The following DVL1 variants were observed in gnomAD, a reference collection of about 807,000 sequenced individuals.
The protein encoded by DVL1 is segment polarity protein dishevelled homolog DVL-1.
Under a neutral mutation model 65.0 loss-of-function variants are expected in DVL1, and 49 were observed. That is an observed-to-expected ratio of 0.75 (90% CI 0.60 to 0.96). The LOEUF (loss-of-function observed/expected upper bound fraction) is 0.96, where lower values mean the gene tolerates loss of function less well. Among genes scored for constraint, DVL1 ranks in the 40% least tolerant of loss-of-function variants. The probability of loss-of-function intolerance (pLI) is 0.00; values close to 1 mark genes in which losing one functional copy is unlikely to be tolerated. For synonymous variants in DVL1, 608 were observed against 433.9 expected, an observed-to-expected ratio of 1.40 and a Z score of -4.99; for missense variants, 1,197 against 1,045.4, an observed-to-expected ratio of 1.15 and a Z score of -2.00.
chr1:1,342,679 A>G lies in DVL1; in HGVS notation c.240+10T>C, dbSNP rs1324284960. On this transcript the variant is annotated intron_variant, in intron 2 of 14. Coordinates refer to ENST00000378888, the MANE Select transcript of DVL1 (RefSeq NM_001330311.2). Reference sequence around the variant, plus strand: ...AGGCGAGCCTTCGGGGCCAAGACACAGGGGCTCACCCAGGAGACCACGCGG... The same window carrying G: ...AGGCGAGCCTTCGGGGCCAAGACACGGGGGCTCACCCAGGAGACCACGCGG... 1.2e-6 allele frequency: 2 copies of G among 1,612,612 alleles called. No individual in the cohort carries two copies. Among genetic ancestry groups the G allele is most frequent in the Non-Finnish European group, 1.7e-6 (2 of 1,179,536 alleles).
chr1:1,338,165 A>G lies in DVL1; in HGVS notation c.1526T>C (p.Leu509Pro). ...DLCSNLATLN[L>P]NSGSSGTSDQ... is the part of the protein sequence containing the mutation. Reference sequence around the variant, plus strand: ...CGAAGTCCCACTGGAGCCACTGTTGAGGTTCAGGGTGGCGAGATCTGGCGG... The same window carrying G: ...CGAAGTCCCACTGGAGCCACTGTTGGGGTTCAGGGTGGCGAGATCTGGCGG... Residue 509 changes from leucine (L) to proline (P), a missense_variant, in exon 14 of 15, where the codon CTC becomes CCC. By Grantham distance (98) the Leu-to-Pro change is moderately conservative. Coordinates refer to ENST00000378888, the MANE Select transcript of DVL1 (RefSeq NM_001330311.2). 1 of 1,607,514 alleles carries G rather than the reference A, an allele frequency of 6.2e-7. No homozygotes were observed. Among genetic ancestry groups the G allele is most frequent in the Non-Finnish European group, 8.5e-7 (1 of 1,177,350 alleles).
In DVL1 at chr1:1,342,351, C is replaced by T. The variant is rs759098275; in HGVS notation, c.362+12G>A. The T allele has an allele frequency of 1.3e-5, 21 of 1,565,096 alleles. No homozygotes were observed. The highest frequency in any genetic ancestry group is 2.4e-5 in the East Asian group (1 of 42,384). ...TTGGGGTAGCAGGGCCCAGCGCCCA[C>T]GGTGTCCTTACTGGAAGGAGGGGGG... On this transcript the variant is annotated intron_variant, in intron 3 of 14. Transcript: ENST00000378888.
rs747825850 is a variant in DVL1, at chr1:1,337,973, T to C, written c.1714+4A>G. 2 of 1,610,462 alleles carry C rather than the reference T, an allele frequency of 1.2e-6. No homozygotes were observed. Among genetic ancestry groups the C allele is most frequent in the Admixed American group, 3.3e-5 (2 of 59,902 alleles). ...GGAAGGGCAGGTAGGGGCGGCGTTC[T>C]CACCTTCACTCTGCTGACTCCCGGT... is the stretch of plus-strand genomic sequence containing the variant. On this transcript the variant is annotated splice_donor_region_variant and intron_variant, in intron 14 of 14. Coordinates refer to ENST00000378888, the MANE Select transcript of DVL1 (RefSeq NM_001330311.2).
rs1476629174 is a variant in DVL1, at chr1:1,337,640, G to C, written c.1714+337C>G. On this transcript the variant is annotated intron_variant, in intron 14 of 14. Transcript: ENST00000378888. ...CCTACCAGGCACAGCCGCCCAGGCCGCCAGGCTCCTGGAGGCCCCTCATCC... is the reference window on the plus strand; with the variant it reads ...CCTACCAGGCACAGCCGCCCAGGCCCCCAGGCTCCTGGAGGCCCCTCATCC... 8.4e-6 allele frequency: 4 copies of C among 474,632 alleles called. No individual in the cohort carries two copies. The Admixed American group carries it at 9.5e-5, about 11-fold the overall frequency. The allele number at this position is 474,632 out of a possible 1,614,324, so 29.4% of individuals were successfully genotyped here.
In DVL1 at chr1:1,348,973, G is replaced by C. The variant is rs758016833; in HGVS notation, c.93C>G (p.Ala31=). ...LPVAPERVTL[A]DFKNVLSNRP... ...GGTTGCTGAGCACGTTCTTGAAGTCGGCCAGCGTGACGCGCTCGGGGGCCA... is the reference window on the plus strand; with the variant it reads ...GGTTGCTGAGCACGTTCTTGAAGTCCGCCAGCGTGACGCGCTCGGGGGCCA... The change falls in exon 1 of 15, where the codon GCC becomes GCG. Residue 31 remains alanine (A), a synonymous_variant. Coordinates refer to ENST00000378888, the MANE Select transcript of DVL1 (RefSeq NM_001330311.2). The C allele has an allele frequency of 2.1e-5, 33 of 1,576,236 alleles. No individual in the cohort carries two copies. Among genetic ancestry groups the C allele is most frequent in the Non-Finnish European group, 2.6e-5 (30 of 1,158,556 alleles).
At chr1:1,345,077 G>A (rs1253680257) in intron 1 of DVL1, among the ~76,000 whole-genome samples, 2 of 151,976 alleles carry the variant, frequency 1.3e-5, no homozygotes, top group South Asian at 2.1e-4. Flanking sequence ...TACAGCACCC[G>A]CCTGGCTCCA....
intron 1 of DVL1, 93 bp downstream of exon 1, chr1:1,348,803 G>A (rs1643965998): frequency 3.6e-6 from 4 of 1,109,474 alleles, no homozygotes; most frequent in Non-Finnish European, 4.5e-6. Context: ...CCCCGGGGGC[G>A]CGAACGGCTC....
At chr1:1,339,985 C>A in intron 8 of DVL1, 53 bp downstream of exon 8, 1 of 1,581,572 alleles carries the variant, frequency 6.3e-7, no homozygotes, top group South Asian at 1.1e-5. Context: ...ACCCCAAAGT[C>A]CCCACGGACC....
In DVL1 at chr1:1,338,599, A is replaced by T. The variant is rs759220527; in HGVS notation, c.1262T>A (p.Val421Asp). Residue 421 changes from valine (V) to aspartate (D), a missense_variant, in exon 12 of 15, where the codon GTC (valine) becomes GAC (aspartate). By Grantham distance (152) the Val-to-Asp change is radical (BLOSUM62 -3). Coordinates refer to ENST00000378888, the MANE Select transcript of DVL1 (RefSeq NM_001330311.2). Reference protein sequence around the residue: ...VKSDMSAVVRVMQLPDSGLEI... With the variant: ...VKSDMSAVVRDMQLPDSGLEI... ...CAGTCCCGAGTCTGGCAGCTGCATG[A>T]CCCGGACGACGGCGCTCATGTCACT... 1 of 1,612,124 alleles carries T rather than the reference A, an allele frequency of 6.2e-7. No individual in the cohort carries two copies. Among genetic ancestry groups the T allele is most frequent in the South Asian group, 1.1e-5 (1 of 91,084 alleles).
chr1:1,349,204 C>T lies in DVL1; in HGVS notation c.-139G>A, dbSNP rs1327759330. 4.2e-4 allele frequency: 161 copies of T among 379,202 alleles called. 2 individuals carry two copies. The highest frequency in any genetic ancestry group is 3.4e-3 in the African/African-American group (152 of 44,660). The allele number at this position is 379,202 out of a possible 1,614,324, so 23.5% of individuals were successfully genotyped here. On this transcript the variant is annotated 5_prime_UTR_variant, in exon 1 of 15. Transcript: ENST00000378888. This position sits in a 1 kb window ranked among gnomAD's most constrained non-coding sequence, Gnocchi z 4.1. ...GACGCTCCGAGGCCCCCGGGCGCCCCCGCCCGACCGCCCAGGCCCCGGCCG... is the reference window on the plus strand; with the variant it reads ...GACGCTCCGAGGCCCCCGGGCGCCCTCGCCCGACCGCCCAGGCCCCGGCCG...
At chr1:1,346,088 G>A (rs1035179385) in intron 1 of DVL1, among the ~76,000 whole-genome samples, 5 of 152,282 alleles carry the variant, frequency 3.3e-5, no homozygotes, top group South Asian at 2.1e-4. Flanking sequence ...GGCACAGAGA[G>A]GCTGAGTCAC....
In DVL1 at chr1:1,342,424, C is replaced by A. The variant is rs751949453; in HGVS notation, c.301G>T (p.Asp101Tyr). Reference protein sequence around the residue: ...AGSQGTDSHTDLPPPLERTGG... With the variant: ...AGSQGTDSHTYLPPPLERTGG... ...GTCCGCTCAAGAGGCGGGGGCAGGT[C>A]TGTGTGGCTGTCCGTGCCCTGGGAC... The change falls in exon 3 of 15, where the codon GAC becomes TAC. Residue 101 changes from aspartate (D) to tyrosine (Y), a missense_variant. Coordinates refer to ENST00000378888, the MANE Select transcript of DVL1 (RefSeq NM_001330311.2). The A allele has an allele frequency of 1.2e-5, 19 of 1,596,086 alleles. No homozygotes were observed. In the Admixed American group the frequency reaches 2.0e-4, roughly 17 times the overall value.
chr1:1,343,222 A>C, intron 1 of DVL1, among the ~76,000 whole-genome samples: 1 of 149,888 alleles, frequency 6.7e-6, no homozygotes, highest in South Asian at 2.1e-4. Context: ...CGCTGTCTCC[A>C]ACCACCCCCA....
chr1:1,338,944 G>A (rs1033245905), intron 11 of DVL1, among the ~76,000 whole-genome samples: 1 of 152,244 alleles, frequency 6.6e-6, no homozygotes, highest in African/African-American at 2.4e-5. Context: ...GAACAGGGCA[G>A]GCCCCTTCCC....
intron 10 of DVL1, 39 bp from the exon 11 acceptor site, chr1:1,339,478 G>A (rs751765436): frequency 1.4e-5 from 22 of 1,544,750 alleles, no homozygotes; most frequent in Middle Eastern, 3.5e-4. Context: ...GCGGACAGAT[G>A]GACAGGGTGG....
Position 1,336,061 on chromosome 1 carries a change from G to C in DVL1, c.*81C>G. The C allele has an allele frequency of 6.6e-7, 1 of 1,511,108 alleles. No individual in the cohort carries two copies. Among genetic ancestry groups the C allele is most frequent in the Non-Finnish European group, 8.8e-7 (1 of 1,130,944 alleles). 93.6% of individuals were successfully genotyped at this position (1,511,108 alleles called of 1,614,324 possible). A position where few individuals can be genotyped will look rare whatever the true frequency, so the allele number is the denominator to read the frequency against. Reference sequence around the variant, plus strand: ...CCCTGCCTCCCGTCCTGGCCCCCACGAAGGCAAGCCCACGCGAGCTCTGCA... The same window carrying C: ...CCCTGCCTCCCGTCCTGGCCCCCACCAAGGCAAGCCCACGCGAGCTCTGCA... On this transcript the variant is annotated 3_prime_UTR_variant, in exon 15 of 15. Coordinates refer to ENST00000378888, the MANE Select transcript of DVL1 (RefSeq NM_001330311.2).
intron 11 of DVL1, 105 bp from the exon 12 acceptor site, chr1:1,338,758 C>G: frequency 6.1e-6 from 9 of 1,478,250 alleles, no homozygotes; most frequent in Non-Finnish European, 8.0e-6. Flanking sequence ...CGCCAGGGCG[C>G]AAGCTGGACG....
chr1:1,341,971 G>C, intron 4 of DVL1, 82 bp downstream of exon 4: 1 of 1,461,346 alleles, frequency 6.8e-7, no homozygotes, highest in South Asian at 1.3e-5. Flanking sequence ...CTGGGGGACA[G>C]GAACTGCTGT....
chr1:1,338,181 G>C lies in DVL1; in HGVS notation c.1510C>G (p.Leu504Val). The C allele has an allele frequency of 3.1e-6, 5 of 1,603,368 alleles. No homozygotes were observed. Among genetic ancestry groups the C allele is most frequent in the Non-Finnish European group, 4.3e-6 (5 of 1,174,666 alleles). Residue 504 changes from leucine to valine, a missense_variant and splice_region_variant, in exon 14 of 15, where the codon CTC (leucine) becomes GTC (valine). Coordinates refer to ENST00000378888, the MANE Select transcript of DVL1 (RefSeq NM_001330311.2). Reference sequence around the variant, plus strand: ...CCACTGTTGAGGTTCAGGGTGGCGAGATCTGGCGGGGGAGGGTAGGTGAGG... The same window carrying C: ...CCACTGTTGAGGTTCAGGGTGGCGACATCTGGCGGGGGAGGGTAGGTGAGG... ...YYVFGDLCSN[L>V]ATLNLNSGSS...
Sources: gnomAD v4.1 joint callset for allele counts (sites outside exome capture counted in the v4.1 genomes callset) on GRCh38, gnomAD v4.1.1 for gene constraint, Gnocchi (gnomAD v3.1) non-coding constraint, MANE v1.5 for transcripts, NCBI Gene and HGNC (gene_info 2026-07-23, HGNC 2026-07-21) for gene names.